The following SI variants were observed in gnomAD, a reference collection of about 807,000 sequenced individuals.
The protein encoded by SI is sucrase-isomaltase, intestinal.
A neutral mutation model predicts 253.3 loss-of-function variants in SI; 235 were observed. That is an observed-to-expected ratio of 0.93 (90% CI 0.83 to 1.03). The LOEUF (loss-of-function observed/expected upper bound fraction) is 1.03. Among genes scored for constraint, SI ranks in the 50% least tolerant of loss-of-function variants. SI has a pLI of 0.00. For missense variants in SI, 2,442 were observed against 2,211.1 expected, an observed-to-expected ratio of 1.10 and a Z score of -2.09; for synonymous variants, 819 against 712.0, an observed-to-expected ratio of 1.15 and a Z score of -2.39.
chr3:165,053,366 C>T (rs1023117197), intron 13 of SI, among the ~76,000 whole-genome samples: 56 of 151,942 alleles, frequency 3.7e-4, no homozygotes, highest in African/African-American at 1.3e-3. Context: ...AATATTAAAA[C>T]TTTATCAGTT....
intron 16 of SI, 127 bp downstream of exon 16, chr3:165,046,714 T>C: frequency 1.3e-6 from 1 of 788,460 alleles, no homozygotes; most frequent in East Asian, 2.7e-5. Flanking sequence ...ATAAACTCCA[T>C]AAAAATAAAA....
chr3:165,056,608 G>C (rs1713705231), intron 12 of SI, among the ~76,000 whole-genome samples: 1 of 152,122 alleles, frequency 6.6e-6, no homozygotes, highest in South Asian at 2.1e-4. Flanking sequence ...TTTCTGAAGG[G>C]AGAGCAAAGT....
Position 165,015,202 on chromosome 3 carries a change from G to A in SI, c.3920C>T (p.Thr1307Ile), listed in dbSNP as rs779254184. ...DPAISGNETK[T>I]YPAFERGQQN... ...CTGTCCTCTTTCAAATGCAGGGTAA[G>A]TCTTTGTTTCATTTCCTGAAATTGC... Residue 1307 changes from threonine to isoleucine, a missense_variant, in exon 33 of 48, where the codon ACT becomes ATT. Thr to Ile is a moderately conservative substitution (Grantham distance 89). Coordinates refer to ENST00000264382, the MANE Select transcript of SI (RefSeq NM_001041.4). The A allele has an allele frequency of 3.7e-6, 6 of 1,613,286 alleles. No homozygotes were observed. The highest frequency in any genetic ancestry group is 5.1e-6 in the Non-Finnish European group (6 of 1,179,502).
At chr3:165,062,633 A>G in intron 8 of SI, 150 bp from the exon 9 acceptor site, 2 of 577,160 alleles carry the variant, frequency 3.5e-6, no homozygotes, top group South Asian at 4.4e-5. Context: ...GAATGCAGGA[A>G]TAACATAGGA....
chr3:165,037,214 A>G (rs1286933511), intron 21 of SI, among the ~76,000 whole-genome samples: 5 of 151,950 alleles, frequency 3.3e-5, no homozygotes, highest in Non-Finnish European at 7.4e-5. Context: ...GAAAAGAATA[A>G]ATAATATAAT....
Position 165,032,675 on chromosome 3 carries a change from C to A in SI, c.2583G>T (p.Val861=). The stretch of plus-strand genomic sequence containing the variant: ...CTTCCTGATATGATGAATGTGTGCA[C>A]ACAATATCTAATGTGTTCTGAGAAA... ...FSVSNNTLDI[V]CTHSSYQEGT... The change falls in exon 24 of 48, where the codon GTG becomes GTT. Residue 861 remains valine (V), a synonymous_variant. Coordinates refer to ENST00000264382, the MANE Select transcript of SI (RefSeq NM_001041.4). The A allele has an allele frequency of 6.2e-7, 1 of 1,602,030 alleles. No individual in the cohort carries two copies. The highest frequency in any genetic ancestry group is 8.5e-7 in the Non-Finnish European group (1 of 1,170,858).
At chr3:165,011,704 T>G (rs2108164043) in intron 34 of SI, among the ~76,000 whole-genome samples, 1 of 149,884 alleles carries the variant, frequency 6.7e-6, no homozygotes, top group Non-Finnish European at 1.5e-5. Context: ...TATTATTTAT[T>G]TATTATTGTT....
At chr3:165,076,905 C>T (rs558447328) in intron 1 of SI, among the ~76,000 whole-genome samples, 1 of 149,864 alleles carries the variant, frequency 6.7e-6, no homozygotes, top group South Asian at 2.1e-4. Context: ...AATTCAAAGA[C>T]ATATACCAAA....
chr3:165,067,855 T>C (rs976891108), intron 5 of SI, among the ~76,000 whole-genome samples: 3 of 151,680 alleles, frequency 2.0e-5, no homozygotes, highest in African/African-American at 7.2e-5. Flanking sequence ...TATAACTATA[T>C]AAAGATAAGA....
At chr3:165,013,148 A>G in intron 33 of SI, 106 bp from the exon 34 acceptor site, 1 of 784,214 alleles carries the variant, frequency 1.3e-6, no homozygotes, top group Non-Finnish European at 2.3e-6. Context: ...TATTAACTCA[A>G]AGTCTTCAGA....
chr3:165,060,928 T>A (rs961343021), intron 9 of SI, among the ~76,000 whole-genome samples: 1 of 149,236 alleles, frequency 6.7e-6, no homozygotes, highest in Non-Finnish European at 1.5e-5. Flanking sequence ...AGTTACTAGG[T>A]AACAATCAAA....
chr3:165,022,192 A>G (rs1447210122), intron 26 of SI, among the ~76,000 whole-genome samples: 2 of 151,428 alleles, frequency 1.3e-5, no homozygotes, highest in Non-Finnish European at 3.0e-5. Context: ...TCTTTATCAG[A>G]TGTTTACCCA....
rs528090821 is a variant in SI, at chr3:164,996,299, C to T, written c.4692+236G>A. Reference sequence around the variant, plus strand: ...TCTGCATTTCTTCACTGAAAGTCAGCATCATGAAATTTAGTGCTTATTTAG... The same window carrying T: ...TCTGCATTTCTTCACTGAAAGTCAGTATCATGAAATTTAGTGCTTATTTAG... On this transcript the variant is annotated intron_variant, in intron 40 of 47. Transcript: ENST00000264382. Among the ~76,000 whole-genome samples the T allele has an allele frequency of 3.1e-4, 47 of 151,840 alleles. No homozygotes were observed. In the Admixed American group the frequency reaches 3.1e-3, roughly 10 times the overall value.
chr3:165,043,272 T>C, intron 16 of SI, 97 bp from the exon 17 acceptor site: 1 of 801,742 alleles, frequency 1.2e-6, no homozygotes, highest in South Asian at 1.5e-5. Flanking sequence ...GTGCCTTATA[T>C]ACAATTTGTT....
intron 43 of SI, 61 bp from the exon 44 acceptor site, chr3:164,991,538 G>A: frequency 6.5e-7 from 1 of 1,540,612 alleles, no homozygotes; most frequent in Admixed American, 1.7e-5. Flanking sequence ...CAGCAACACT[G>A]GTAGTTGAGG....
chr3:165,016,079 T>C lies in SI; in HGVS notation c.3761A>G (p.Asp1254Gly). The C allele has an allele frequency of 6.2e-7, 1 of 1,612,548 alleles. No homozygotes were observed. Among genetic ancestry groups the C allele is most frequent in the Non-Finnish European group, 8.5e-7 (1 of 1,178,892 alleles). ...DAMVAANIPY[D>G]VQYTDIDYME... Reference sequence around the variant, plus strand: ...GTAGTCAATGTCTGTGTACTGAACATCCTGAAATATCCAAAAATTATCAAA... The same window carrying C: ...GTAGTCAATGTCTGTGTACTGAACACCCTGAAATATCCAAAAATTATCAAA... Residue 1254 changes from aspartate (D) to glycine (G), a missense_variant and splice_region_variant, in exon 32 of 48, where the codon GAT (aspartate) becomes GGT (glycine). Physicochemically the swap from Asp to Gly is moderately conservative, Grantham distance 94. Transcript: ENST00000264382.
intron 25 of SI, among the ~76,000 whole-genome samples, chr3:165,030,103 TTAAA>T (rs1356879642): frequency 6.6e-6 from 1 of 150,936 alleles, no homozygotes; most frequent in Non-Finnish European, 1.5e-5. Context: ...TTTGGTTATA[TTAAA>T]TAAATATATT....
At chr3:165,045,065 T>G (rs959660418) in intron 16 of SI, among the ~76,000 whole-genome samples, 11 of 152,108 alleles carry the variant, frequency 7.2e-5, no homozygotes, top group Non-Finnish European at 1.5e-4. Context: ...TTTGCTGTGT[T>G]AATCTATTTG....
intron 6 of SI, 58 bp from the exon 7 acceptor site, chr3:165,065,490 TA>T: frequency 3.6e-6 from 1 of 280,170 alleles, no homozygotes; most frequent in Non-Finnish European, 5.8e-6. Context: ...TATATATATA[TA>T]TATGATATTC....
Sources: gnomAD v4.1 joint callset for allele counts (sites outside exome capture counted in the v4.1 genomes callset) on GRCh38, gnomAD v4.1.1 for gene constraint, MANE v1.5 for transcripts, NCBI Gene and HGNC (gene_info 2026-07-23, HGNC 2026-07-21) for gene names.